Variants in GRIP1 observed in about 807,000 individuals in gnomAD.
GRIP1 encodes the protein glutamate receptor-interacting protein 1.
Under a neutral mutation model 129.9 loss-of-function variants are expected in GRIP1, and 45 were observed. That is an observed-to-expected ratio of 0.35 (90% CI 0.27 to 0.44). The LOEUF is 0.44. Ranked by LOEUF, GRIP1 falls within the 20% of genes least tolerant of loss-of-function variation. GRIP1 has a pLI of 1.00. For missense variants in GRIP1, 1,196 were observed against 1,396.8 expected (o/e 0.86, Z 2.29); for synonymous variants, 530 against 520.8 (o/e 1.02, Z -0.24).
At chr12:66,359,503 C>T (rs2054644750) in intron 23 of GRIP1, among the ~76,000 whole-genome samples, 1 of 152,192 alleles carries the variant, frequency 6.6e-6, no homozygotes. Flanking sequence ...GTGCCAACCA[C>T]AGTGGGTTAG....
At chr12:66,655,987 C>G (rs2033131423) in intron 1 of GRIP1, among the ~76,000 whole-genome samples, 1 of 152,110 alleles carries the variant, frequency 6.6e-6, no homozygotes, top group East Asian at 1.9e-4. Flanking sequence ...ATTAGATATA[C>G]TGAAGATCAG....
intron 5 of GRIP1, among the ~76,000 whole-genome samples, chr12:66,523,737 T>C (rs1264821727): frequency 3.9e-5 from 6 of 152,162 alleles, no homozygotes; most frequent in Admixed American, 2.6e-4. Context: ...GACTGGCAAA[T>C]TGGATAAAGA....
intron 1 of GRIP1, among the ~76,000 whole-genome samples, chr12:66,851,417 G>C (rs1566051031): frequency 6.6e-6 from 1 of 152,034 alleles, no homozygotes; most frequent in Non-Finnish European, 1.5e-5. Context: ...GCAGCCCAAA[G>C]CCAAAATATA....
At chr12:67,060,066 A>G (rs1273028967) in intron 1 of GRIP1, among the ~76,000 whole-genome samples, 3 of 152,352 alleles carry the variant, frequency 2.0e-5, no homozygotes, top group East Asian at 1.9e-4. Flanking sequence ...TCTTCATTAC[A>G]AAGAGTGTAA....
intron 1 of GRIP1, among the ~76,000 whole-genome samples, chr12:66,649,503 G>A (rs1425087892): frequency 1.3e-5 from 2 of 152,168 alleles, no homozygotes; most frequent in Admixed American, 6.5e-5. Flanking sequence ...GAACCATGCT[G>A]AGCACCGTAT....
chr12:66,801,191 A>G (rs547557293), intron 1 of GRIP1, among the ~76,000 whole-genome samples: 48 of 152,244 alleles, frequency 3.2e-4, no homozygotes, highest in African/African-American at 1.1e-3. Context: ...ATTTTAAAAG[A>G]CTAAAACCCA....
At chr12:66,610,973 A>C (rs1015602924) in intron 1 of GRIP1, among the ~76,000 whole-genome samples, 1 of 152,154 alleles carries the variant, frequency 6.6e-6, no homozygotes, top group African/African-American at 2.4e-5. Flanking sequence ...ACATTTCTCC[A>C]CTGTATAACT....
chr12:66,678,837 G>C lies in GRIP1; in HGVS notation c.55+13C>G. On this transcript the variant is annotated intron_variant, in intron 1 of 24. Coordinates refer to ENST00000359742, the MANE Select transcript of GRIP1 (RefSeq NM_001366722.1). ...ACAGACTCGCTGAGGGAATAACAAGGAAAGCACGATACCTTTAGTAAGTCG... is the reference window on the plus strand; with the variant it reads ...ACAGACTCGCTGAGGGAATAACAAGCAAAGCACGATACCTTTAGTAAGTCG... 6.2e-7 allele frequency: 1 copy of C among 1,612,094 alleles called. No homozygotes were observed. Among genetic ancestry groups the C allele is most frequent in the Non-Finnish European group, 8.5e-7 (1 of 1,178,424 alleles).
At chr12:66,860,853 G>A (rs773775492) in intron 1 of GRIP1, among the ~76,000 whole-genome samples, 10 of 151,988 alleles carry the variant, frequency 6.6e-5, no homozygotes, top group South Asian at 2.1e-4. Context: ...TTGAGTGAAC[G>A]ACATGCTAGT....
chr12:66,663,553 A>C (rs2033631257), intron 1 of GRIP1, among the ~76,000 whole-genome samples: 1 of 152,302 alleles, frequency 6.6e-6, no homozygotes, highest in Middle Eastern at 3.4e-3. Flanking sequence ...TTCAAAATGC[A>C]GACAGCTCTG....
At chr12:66,809,170 A>G (rs184076897), upstream of GRIP1, among the ~76,000 whole-genome samples, 27 of 152,332 alleles carry the variant, frequency 1.8e-4, no homozygotes, top group Admixed American at 1.3e-4. Context: ...AATTGCCTAT[A>G]TAGCATTTAC....
chr12:66,569,775 C>A (rs969347763), intron 2 of GRIP1, among the ~76,000 whole-genome samples: 1 of 152,186 alleles, frequency 6.6e-6, no homozygotes, highest in African/African-American at 2.4e-5. Context: ...CACCCCTTTT[C>A]CTTCTCCACT....
chr12:66,912,833 CTAAA>C (rs1272588143), intron 1 of GRIP1, among the ~76,000 whole-genome samples: 2 of 152,046 alleles, frequency 1.3e-5, no homozygotes, highest in Admixed American at 6.6e-5. Flanking sequence ...TGAGCGGAAC[CTAAA>C]TTAATAGAAA....
intron 4 of GRIP1, among the ~76,000 whole-genome samples, chr12:66,535,111 C>T (rs892969479): frequency 6.6e-6 from 1 of 152,150 alleles, no homozygotes; most frequent in African/African-American, 2.4e-5. Flanking sequence ...GCATGACCTC[C>T]TTTAAGTCTT....
intron 1 of GRIP1, among the ~76,000 whole-genome samples, chr12:66,810,395 T>C (rs1313399589): frequency 1.3e-5 from 2 of 152,088 alleles, no homozygotes; most frequent in East Asian, 3.9e-4. Context: ...CCGTCTCTAC[T>C]AAAAATACAA....
chr12:66,793,969 G>C (rs1415181735), intron 1 of GRIP1, among the ~76,000 whole-genome samples: 3 of 152,188 alleles, frequency 2.0e-5, no homozygotes, highest in African/African-American at 7.2e-5. Flanking sequence ...AGCATGCACT[G>C]ATCTCAGGAG....
At chr12:66,743,445 A>G (rs2036850942) in intron 1 of GRIP1, among the ~76,000 whole-genome samples, 1 of 152,278 alleles carries the variant, frequency 6.6e-6, no homozygotes, top group African/African-American at 2.4e-5. Flanking sequence ...GAACCCTTTC[A>G]GAAGCCAAGG....
chr12:67,009,472 A>AT (rs900620085), intron 1 of GRIP1, among the ~76,000 whole-genome samples: 2 of 152,168 alleles, frequency 1.3e-5, no homozygotes, highest in African/African-American at 4.8e-5. Context: ...TAGGAATAAA[A>AT]TTTTATCTAC....
intron 1 of GRIP1, among the ~76,000 whole-genome samples, chr12:66,851,174 C>CA (rs1399350422): frequency 1.3e-5 from 2 of 151,474 alleles, no homozygotes; most frequent in African/African-American, 4.9e-5. Flanking sequence ...GAATAGAGGC[C>CA]ATAGAGGTAA....
Sources: allele counts gnomAD v4.1 joint callset (sites outside exome capture counted in the v4.1 genomes callset), GRCh38; gene constraint gnomAD v4.1.1; transcripts MANE v1.5; gene names NCBI Gene and HGNC (gene_info 2026-07-23, HGNC 2026-07-21).